The following AGPAT5 variants were observed in gnomAD, a reference collection of about 807,000 sequenced individuals.
AGPAT5 encodes the protein 1-acyl-sn-glycerol-3-phosphate acyltransferase epsilon.
In AGPAT5, 46 loss-of-function variants were observed where a neutral mutation model predicts 45.6. The observed-to-expected ratio is 1.01, with a 90% CI of 0.80 to 1.29. The LOEUF (loss-of-function observed/expected upper bound fraction) is 1.29. Ranked by LOEUF, AGPAT5 falls within the 50% of genes most tolerant of loss-of-function variation. AGPAT5 has a pLI of 0.00. For synonymous variants in AGPAT5, 272 were observed against 167.0 expected (o/e 1.63, Z -4.85); for missense variants, 673 against 450.7 (o/e 1.49, Z -4.47).
intron 1 of AGPAT5, among the ~76,000 whole-genome samples, chr8:6,715,329 G>T (rs1439583775): frequency 6.6e-6 from 1 of 152,228 alleles, no homozygotes; most frequent in South Asian, 2.1e-4. Context: ...ATCCAGGTGA[G>T]AAATGATGGT....
At chr8:6,709,566 A>T (rs945149507) in intron 1 of AGPAT5, 105 of 140,344 alleles carry the variant, frequency 7.5e-4, no homozygotes, top group African/African-American at 2.7e-3. Context: ...GTGTTATAAA[A>T]AAAAAAAAAA....
intron 1 of AGPAT5, among the ~76,000 whole-genome samples, chr8:6,715,963 C>A (rs1056794299): frequency 6.6e-6 from 1 of 152,012 alleles, no homozygotes; most frequent in African/African-American, 2.4e-5. Context: ...CTAAATTCTG[C>A]CCCGGTTAAC....
intron 6 of AGPAT5, among the ~76,000 whole-genome samples, chr8:6,752,264 C>T (rs17063473): frequency 0.024 from 3,600 of 152,166 alleles, 142 homozygotes; most frequent in African/African-American, 0.083. Flanking sequence ...AGCGGTAACC[C>T]CAATTTGGAT....
At position 6,715,559 on chromosome 8, in the gene AGPAT5, A is replaced by G. The variant is rs528647869; in HGVS notation, c.219+6672A>G. On this transcript the variant is annotated intron_variant, in intron 1 of 7. Coordinates refer to ENST00000285518, the MANE Select transcript of AGPAT5 (RefSeq NM_018361.5). ...AGGCACCATTCTTCCTCTTTTACAG[A>G]CAAGGAAAAGGGAACACCCATGGTT... Among the ~76,000 whole-genome samples the G allele has an allele frequency of 4.6e-5, 7 of 152,330 alleles. No individual in the cohort carries two copies. The East Asian group carries it at 1.3e-3, about 29-fold the overall frequency.
rs117820777 is a variant in AGPAT5 at position 6,750,300 on chromosome 8, C to T, written c.745+2472C>T. On this transcript the variant is annotated intron_variant, in intron 6 of 7. Transcript: ENST00000285518. ...CAAAACCTTCTGTGAGTTGCATTGC[C>T]TGGGTTCCAACCTCCCACTGCCCTG... Among the ~76,000 whole-genome samples, 68 of 152,342 alleles carry T rather than the reference C, an allele frequency of 4.5e-4. No individual in the cohort carries two copies. In the East Asian group the frequency reaches 0.013, roughly 28 times the overall value.
chr8:6,757,672 G>T lies in AGPAT5; in HGVS notation c.*284G>T. 1 of 280,104 alleles carries T rather than the reference G, an allele frequency of 3.6e-6. No individual in the cohort carries two copies. Among genetic ancestry groups the T allele is most frequent in the Non-Finnish European group, 6.7e-6 (1 of 149,674 alleles). The allele number at this position is 280,104 out of a possible 1,614,324, so 17.4% of individuals were successfully genotyped here. ...AACTAATGACAACTTGAGAAGGCTG[G>T]GAGGATTGTGTATTTTGCAAGTCAG... is the stretch of plus-strand genomic sequence containing the variant. On this transcript the variant is annotated 3_prime_UTR_variant, in exon 8 of 8. Transcript: ENST00000285518.
rs763560825 is a variant in AGPAT5 at position 6,755,082 on chromosome 8, T to C, written c.777T>C (p.His259=). ...EFLCKECPKI[H]IHIDRIDKKD... ...TCTGCAAAGAATGTCCAAAAATTCA[T>C]ATTCACATTGATCGTATCGACAAAA... is the stretch of plus-strand genomic sequence containing the variant. The change falls in exon 7 of 8, where the codon CAT becomes CAC. Residue 259 remains histidine, a synonymous_variant. Coordinates refer to ENST00000285518, the MANE Select transcript of AGPAT5 (RefSeq NM_018361.5). 3 of 1,600,550 alleles carry C rather than the reference T, an allele frequency of 1.9e-6. No individual in the cohort carries two copies. The highest frequency in any genetic ancestry group is 2.6e-6 in the Non-Finnish European group (3 of 1,175,980).
At chr8:6,748,424 G>A (rs982702553) in intron 6 of AGPAT5, among the ~76,000 whole-genome samples, 2 of 152,352 alleles carry the variant, frequency 1.3e-5, no homozygotes, top group Admixed American at 1.3e-4. Flanking sequence ...AGGGAAGTGT[G>A]TGGAGTTTCT....
intron 1 of AGPAT5, among the ~76,000 whole-genome samples, chr8:6,716,860 C>A (rs1587003508): frequency 6.6e-6 from 1 of 152,038 alleles, no homozygotes; most frequent in South Asian, 2.1e-4. Flanking sequence ...CAAAACAAAA[C>A]AGAGAGAAAA....
rs146505635 is a variant in AGPAT5, at chr8:6,739,755, T to TG, written c.496-1905dup. 3.6e-3 allele frequency among the ~76,000 whole-genome samples: 541 copies of TG among 152,248 alleles called. 1 individual carries two copies. Among genetic ancestry groups the TG allele is most frequent in the African/African-American group, 0.012 (514 of 41,570 alleles). On this transcript the variant is annotated intron_variant, in intron 4 of 7. Transcript: ENST00000285518. Reference sequence around the variant, plus strand: ...CTTGATGGCTTTTATTTCTTTTTCTTGCTAAATTTTCTGGCTAGACCTCCT... The same window carrying TG: ...CTTGATGGCTTTTATTTCTTTTTCTTGGCTAAATTTTCTGGCTAGACCTCCT...
chr8:6,720,109 C>G (rs537562190), intron 1 of AGPAT5, among the ~76,000 whole-genome samples: 1 of 152,164 alleles, frequency 6.6e-6, no homozygotes, highest in East Asian at 1.9e-4. Context: ...GGAAGAAGTG[C>G]TAGAAAATGA....
At position 6,757,353 on chromosome 8, in the gene AGPAT5, C is replaced by G. The variant is rs1801879772; in HGVS notation, c.1060C>G (p.Leu354Val). ...LYVNTWIYGTLLGCLWVTIKA is the reference protein window; with the variant it reads ...LYVNTWIYGTVLGCLWVTIKA ...TGTGAACACCTGGATATATGGAACC[C>G]TACTTGGCTGCCTGTGGGTTACTAT... The change falls in exon 8 of 8, where the codon CTA becomes GTA. Residue 354 changes from leucine (L) to valine (V), a missense_variant. By Grantham distance (32) the Leu-to-Val change is conservative (BLOSUM62 1). Transcript: ENST00000285518. 7 of 1,614,184 alleles carry G rather than the reference C, an allele frequency of 4.3e-6. No individual in the cohort carries two copies. The highest frequency in any genetic ancestry group is 5.9e-6 in the Non-Finnish European group (7 of 1,180,032).
At chr8:6,726,406 C>T (rs1800686929) in intron 2 of AGPAT5, among the ~76,000 whole-genome samples, 1 of 152,188 alleles carries the variant, frequency 6.6e-6, no homozygotes, top group Non-Finnish European at 1.5e-5. Context: ...AAAATTCCTT[C>T]TTCAGTTTAC....
rs2116927421 is a variant in AGPAT5 at position 6,741,619 on chromosome 8, A to T, written c.496-42A>T. ...TTTTAGGTTAACAATAACAAAAACA[A>T]AGCTCACACAAAATAAACCAAATTT... On this transcript the variant is annotated intron_variant, in intron 4 of 7. Coordinates refer to ENST00000285518, the MANE Select transcript of AGPAT5 (RefSeq NM_018361.5). 4 of 1,409,906 alleles carry T rather than the reference A, an allele frequency of 2.8e-6. No homozygotes were observed. The East Asian group carries it at 9.5e-5, about 34-fold the overall frequency. 87.3% of individuals were successfully genotyped at this position (1,409,906 alleles called of 1,614,324 possible).
intron 1 of AGPAT5, among the ~76,000 whole-genome samples, chr8:6,709,967 A>G (rs1426164672): frequency 6.6e-6 from 1 of 152,226 alleles, no homozygotes; most frequent in Non-Finnish European, 1.5e-5. Flanking sequence ...GCCTCATTTA[A>G]AAATTTCAAT....
intron 5 of AGPAT5, among the ~76,000 whole-genome samples, chr8:6,741,978 A>G (rs1213206108): frequency 6.6e-6 from 1 of 152,176 alleles, no homozygotes; most frequent in Non-Finnish European, 1.5e-5. Flanking sequence ...GCTTGTTACG[A>G]TACATATTCT....
chr8:6,748,492 G>A (rs374636469), intron 6 of AGPAT5, among the ~76,000 whole-genome samples: 1 of 152,072 alleles, frequency 6.6e-6, no homozygotes, highest in East Asian at 1.9e-4. Context: ...TAGGCTTCAT[G>A]GGGTTTTTTT....
chr8:6,721,167 C>T (rs149984343), intron 1 of AGPAT5, among the ~76,000 whole-genome samples: 7 of 152,022 alleles, frequency 4.6e-5, no homozygotes, highest in South Asian at 2.1e-4. Flanking sequence ...ACGTTTTAAA[C>T]GGGGTAGAAA....
At chr8:6,728,959 C>A (rs924049361) in intron 2 of AGPAT5, among the ~76,000 whole-genome samples, 4 of 152,116 alleles carry the variant, frequency 2.6e-5, no homozygotes, top group African/African-American at 9.7e-5. Flanking sequence ...TATCTCAACC[C>A]AATAACACAG....
Sources: gnomAD v4.1 joint callset for allele counts (sites outside exome capture counted in the v4.1 genomes callset) on GRCh38, gnomAD v4.1.1 for gene constraint, MANE v1.5 for transcripts, NCBI Gene and HGNC (gene_info 2026-07-23, HGNC 2026-07-21) for gene names.